The following SLC10A2 variants were observed in gnomAD, a reference collection of about 807,000 sequenced individuals.
SLC10A2 encodes solute carrier family 10 member 2.
Under a neutral mutation model 27.1 loss-of-function variants are expected in SLC10A2, and 34 were observed. The observed-to-expected ratio is 1.26, with a 90% CI of 0.96 to 1.67. The LOEUF is 1.67. Ranked by LOEUF, SLC10A2 falls within the 40% of genes most tolerant of loss-of-function variation. SLC10A2 has a pLI of 0.00. For missense variants in SLC10A2, 530 were observed against 444.4 expected (o/e 1.19, Z -1.73); for synonymous variants, 205 against 174.0 (o/e 1.18, Z -1.40).
In SLC10A2 at chr13:103,047,145, A is replaced by G. The variant is rs538834846; in HGVS notation, c.920-885T>C. On this transcript the variant is annotated intron_variant, in intron 5 of 5. Transcript: ENST00000245312. Reference sequence around the variant, plus strand: ...ATAATATTAGCTACCTCATAGGGCAATTGTGAACATTAAATGAGATAAAAT... The same window carrying G: ...ATAATATTAGCTACCTCATAGGGCAGTTGTGAACATTAAATGAGATAAAAT... 3.9e-5 allele frequency among the ~76,000 whole-genome samples: 6 copies of G among 152,350 alleles called. No homozygotes were observed. In the South Asian group the frequency reaches 1.2e-3, roughly 32 times the overall value.
intron 2 of SLC10A2, 71 bp from the exon 3 acceptor site, chr13:103,052,779 G>T (rs1036701700): frequency 2.1e-6 from 2 of 940,172 alleles, no homozygotes; most frequent in Admixed American, 3.5e-5. Flanking sequence ...AGAAGAACAA[G>T]CAGCCTGAAG....
At chr13:103,046,901 G>A (rs1375975336) in intron 5 of SLC10A2, among the ~76,000 whole-genome samples, 1 of 152,214 alleles carries the variant, frequency 6.6e-6, no homozygotes, top group African/African-American at 2.4e-5. Context: ...GCACATGTGT[G>A]AGGCAGTGGA....
intron 1 of SLC10A2, among the ~76,000 whole-genome samples, chr13:103,060,794 T>G (rs1477290207): frequency 6.6e-6 from 1 of 152,152 alleles, no homozygotes; most frequent in Admixed American, 6.5e-5. Context: ...CAACAGGTCG[T>G]CATTGAGGTT....
intron 2 of SLC10A2, among the ~76,000 whole-genome samples, chr13:103,057,623 T>C (rs1453471441): frequency 3.3e-5 from 5 of 152,168 alleles, no homozygotes; most frequent in Non-Finnish European, 5.9e-5. Context: ...GGCTCATGCA[T>C]GTTATCCCAC....
chr13:103,046,023 A>G lies in SLC10A2; in HGVS notation c.*110T>C. 2.9e-6 allele frequency: 4 copies of G among 1,369,466 alleles called. No homozygotes were observed. In the Middle Eastern group the frequency reaches 7.3e-4, roughly 250 times the overall value. 84.8% of individuals were successfully genotyped at this position (1,369,466 alleles called of 1,614,324 possible). The stretch of plus-strand genomic sequence containing the variant: ...AATACATGAATTCCAATGAAATTCC[A>G]ATTTTCACTTTAACTCTTTTCTGCC... On this transcript the variant is annotated 3_prime_UTR_variant, in exon 6 of 6. Transcript: ENST00000245312.
In SLC10A2 at chr13:103,058,345, C is replaced by T. The variant is rs200749358; in HGVS notation, c.415G>A (p.Gly139Arg). The change falls in exon 2 of 6, where the codon GGA (glycine) becomes AGA (arginine). Residue 139 changes from glycine to arginine, a missense_variant. Gly to Arg is a moderately radical substitution (Grantham distance 125). Transcript: ENST00000245312. Reference protein sequence around the residue: ...MTTCSTLLALGMMPLCLLIYT... With the variant: ...MTTCSTLLALRMMPLCLLIYT... ...ATAAGGAGGCACAGCGGCATCATTCCGAGGGCAAGCAGTGTGGAGCATGTG... is the reference window on the plus strand; with the variant it reads ...ATAAGGAGGCACAGCGGCATCATTCTGAGGGCAAGCAGTGTGGAGCATGTG... The T allele has an allele frequency of 3.7e-4, 595 of 1,613,794 alleles. 2 individuals are homozygous for T. The highest frequency in any genetic ancestry group is 2.3e-3 in the Middle Eastern group (14 of 6,058).
chr13:103,050,951 A>G (rs1383400221), intron 4 of SLC10A2, among the ~76,000 whole-genome samples: 4 of 152,162 alleles, frequency 2.6e-5, no homozygotes, highest in Admixed American at 1.3e-4. Flanking sequence ...CCCTTATCCA[A>G]TGACTGGTGT....
Position 103,054,789 on chromosome 13 carries a change from G to A in SLC10A2, c.497-2081C>T, listed in dbSNP as rs149785937. 2.8e-3 allele frequency among the ~76,000 whole-genome samples: 431 copies of A among 152,178 alleles called. 1 individual carries two copies. Among genetic ancestry groups the A allele is most frequent in the African/African-American group, 1.0e-2 (414 of 41,520 alleles). ...TTTACACCCACAGTGTGTGGCTTCT[G>A]CTTGTAGAGGTGGATGTTGTAACTT... On this transcript the variant is annotated intron_variant, in intron 2 of 5. Coordinates refer to ENST00000245312, the MANE Select transcript of SLC10A2 (RefSeq NM_000452.3).
chr13:103,066,197 G>A lies in SLC10A2; in HGVS notation c.53C>T (p.Ser18Phe), dbSNP rs770829839. The A allele has an allele frequency of 4.3e-6, 7 of 1,613,948 alleles. No homozygotes were observed. The highest frequency in any genetic ancestry group is 4.0e-5 in the African/African-American group (3 of 74,928). Residue 18 changes from serine (S) to phenylalanine (F), a missense_variant, in exon 1 of 6, where the codon TCC becomes TTC. Ser to Phe is a radical substitution (Grantham distance 155). Transcript: ENST00000245312. ...GAAATTGCTCTCAGGTACCACACAG[G>A]ATGCACCAGAGCAAACTGTTGCATT... ...VDNATVCSGA[S>F]CVVPESNFNN...
intron 5 of SLC10A2, among the ~76,000 whole-genome samples, chr13:103,048,507 A>G (rs1414048139): frequency 1.3e-5 from 2 of 152,196 alleles, no homozygotes; most frequent in African/African-American, 4.8e-5. Flanking sequence ...TAACATTTAC[A>G]TTAGTTTTGT....
chr13:103,063,578 C>G (rs1187351715), intron 1 of SLC10A2, among the ~76,000 whole-genome samples: 1 of 152,132 alleles, frequency 6.6e-6, no homozygotes, highest in Non-Finnish European at 1.5e-5. Context: ...TTTTGGAAAA[C>G]TGTTACGCAA....
Position 103,066,414 on chromosome 13 carries a change from A to G in SLC10A2, c.-165T>C, listed in dbSNP as rs199933163. 7 of 625,294 alleles carry G rather than the reference A, an allele frequency of 1.1e-5. No individual in the cohort carries two copies. The highest frequency in any genetic ancestry group is 1.8e-5 in the Non-Finnish European group (7 of 385,874). The allele number at this position is 625,294 out of a possible 1,614,324, so 38.7% of individuals were successfully genotyped here. ...GTCTCTTTTGAAAGCCACCTTAGGGAAGTAATAAAAAACAATAAAGCTAGG... is the reference window on the plus strand; with the variant it reads ...GTCTCTTTTGAAAGCCACCTTAGGGGAGTAATAAAAAACAATAAAGCTAGG... On this transcript the variant is annotated 5_prime_UTR_variant, in exon 1 of 6. Transcript: ENST00000245312.
In SLC10A2 at chr13:103,051,487, G is replaced by C; in HGVS notation, c.586-55C>G. 1.9e-6 allele frequency: 3 copies of C among 1,586,642 alleles called. 1 individual carries two copies. The South Asian group carries it at 3.3e-5, about 18-fold the overall frequency. On this transcript the variant is annotated intron_variant, in intron 3 of 5. Coordinates refer to ENST00000245312, the MANE Select transcript of SLC10A2 (RefSeq NM_000452.3). Reference sequence around the variant, plus strand: ...CAATCATGAGTCAAAGCAAATCCAAGTATGTTTGTCAGAGACAAAACCTCA... The same window carrying C: ...CAATCATGAGTCAAAGCAAATCCAACTATGTTTGTCAGAGACAAAACCTCA...
rs781606677 is a variant in SLC10A2 at position 103,066,256 on chromosome 13, G to T, written c.-7C>A. 4.4e-6 allele frequency: 7 copies of T among 1,594,030 alleles called. No individual in the cohort carries two copies. Among genetic ancestry groups the T allele is most frequent in the Non-Finnish European group, 6.0e-6 (7 of 1,167,094 alleles). Reference sequence around the variant, plus strand: ...AGCTGTTCGGATCATTCATTGCTGGGTCTGCTGCTGGAAAGGCCAAGTCCA... The same window carrying T: ...AGCTGTTCGGATCATTCATTGCTGGTTCTGCTGCTGGAAAGGCCAAGTCCA... On this transcript the variant is annotated 5_prime_UTR_variant, in exon 1 of 6. Coordinates refer to ENST00000245312, the MANE Select transcript of SLC10A2 (RefSeq NM_000452.3).
intron 5 of SLC10A2, among the ~76,000 whole-genome samples, chr13:103,048,751 C>A (rs1875684981): frequency 6.6e-6 from 1 of 152,120 alleles, no homozygotes; most frequent in Admixed American, 6.5e-5. Context: ...TAAACTACAC[C>A]TAGTACTTTA....
chr13:103,063,347 G>GCATTGTGTGGCATTAGCTC (rs1876182078), intron 1 of SLC10A2, among the ~76,000 whole-genome samples: 1 of 152,176 alleles, frequency 6.6e-6, no homozygotes, highest in Non-Finnish European at 1.5e-5. Context: ...AAACCAGGTG[G>GCATTGTGTGGCATTAGCTC]AATGGTTTTG....
chr13:103,048,636 A>G (rs1222229826), intron 5 of SLC10A2, among the ~76,000 whole-genome samples: 1 of 152,180 alleles, frequency 6.6e-6, no homozygotes, highest in African/African-American at 2.4e-5. Flanking sequence ...CTTGGAAAGG[A>G]AAATGTAGAA....
Position 103,065,824 on chromosome 13 carries a change from A to G in SLC10A2, c.377+49T>C, listed in dbSNP as rs200794143. ...ATTCAGAATGCCATAGGCTTCTGGAAGGATTACTCCAAGGTGATTGCAGTA... is the reference window on the plus strand; with the variant it reads ...ATTCAGAATGCCATAGGCTTCTGGAGGGATTACTCCAAGGTGATTGCAGTA... On this transcript the variant is annotated intron_variant, in intron 1 of 5. Transcript: ENST00000245312. The G allele has an allele frequency of 1.4e-3, 2,179 of 1,605,746 alleles. 17 individuals are homozygous for G. Among genetic ancestry groups the G allele is most frequent in the Middle Eastern group, 9.2e-3 (55 of 5,966 alleles).
intron 3 of SLC10A2, 39 bp downstream of exon 3, chr13:103,052,581 C>T (rs772875484): frequency 7.5e-7 from 1 of 1,340,042 alleles, no homozygotes; most frequent in Non-Finnish European, 1.1e-6. Flanking sequence ...TTTTGATTGT[C>T]ACAGTGGAAT....
Sources: allele counts gnomAD v4.1 joint callset (sites outside exome capture counted in the v4.1 genomes callset), GRCh38; gene constraint gnomAD v4.1.1; transcripts MANE v1.5; gene names NCBI Gene and HGNC (gene_info 2026-07-23, HGNC 2026-07-21).